Variants in MOCS2 observed in about 807,000 individuals in gnomAD.
MOCS2 encodes the protein molybdenum cofactor synthesis 2.
MOCS2 carries 13 observed loss-of-function variants against 21.9 expected under a neutral mutation model. The observed-to-expected ratio is 0.59, with a 90% CI of 0.39 to 0.94. The LOEUF (loss-of-function observed/expected upper bound fraction) is 0.94, where lower values mean the gene tolerates loss of function less well. Among genes scored for constraint, MOCS2 ranks in the 40% least tolerant of loss-of-function variants. The pLI is 0.00. For synonymous variants in MOCS2, 92 were observed against 80.8 expected (o/e 1.14, Z -0.74); for missense variants, 227 against 218.3 (o/e 1.04, Z -0.25).
intron 5 of MOCS2, chr5:53,101,041 C>CA (rs1740893704): frequency 5.0e-6 from 2 of 396,366 alleles, no homozygotes; most frequent in South Asian, 3.1e-5. Context: ...TTTAGGGGTA[C>CA]AAAAAGGCAA....
At chr5:53,106,064 C>A (rs1741040330) in intron 3 of MOCS2, among the ~76,000 whole-genome samples, 1 of 152,118 alleles carries the variant, frequency 6.6e-6, no homozygotes, top group Non-Finnish European at 1.5e-5. Flanking sequence ...ATTAAAATAA[C>A]AGATGCTGGC....
At chr5:53,099,302 T>C (rs1315378895) in intron 6 of MOCS2, among the ~76,000 whole-genome samples, 2 of 152,192 alleles carry the variant, frequency 1.3e-5, no homozygotes, top group Non-Finnish European at 2.9e-5. Context: ...CCCCAACTCC[T>C]GCTCATTACC....
chr5:53,103,636 T>C (rs566038545), intron 3 of MOCS2, among the ~76,000 whole-genome samples: 4 of 152,238 alleles, frequency 2.6e-5, no homozygotes, highest in Admixed American at 2.6e-4. Context: ...TAGATATCAA[T>C]CAGGGGAGAA....
intron 1 of MOCS2, 77 bp downstream of exon 1, chr5:53,109,174 G>T: frequency 2.0e-6 from 1 of 501,324 alleles, no homozygotes; most frequent in Non-Finnish European, 2.6e-6. Context: ...TGAAACACAC[G>T]ACAGACTGGA....
chr5:53,099,847 G>A (rs1366211181), intron 6 of MOCS2, among the ~76,000 whole-genome samples: 2 of 152,196 alleles, frequency 1.3e-5, no homozygotes, highest in Non-Finnish European at 2.9e-5. Context: ...TACACCAGGG[G>A]AGAAACTAGG....
At chr5:53,102,035 A>T in intron 4 of MOCS2, 62 bp downstream of exon 4, 2 of 1,553,898 alleles carry the variant, frequency 1.3e-6, no homozygotes, top group Non-Finnish European at 1.8e-6. Context: ...CTGAACATGG[A>T]AAGCACATGC....
chr5:53,109,242 A>T lies in MOCS2; in HGVS notation c.-170+9T>A. 1.0e-6 allele frequency: 1 copy of T among 987,550 alleles called. No individual in the cohort carries two copies. The highest frequency in any genetic ancestry group is 1.2e-6 in the Non-Finnish European group (1 of 830,168). 61.2% of individuals were successfully genotyped at this position (987,550 alleles called of 1,614,324 possible). The stretch of plus-strand genomic sequence containing the variant: ...GTATGTAAGGGATCCGACGAAGTAA[A>T]ATAGGCACCTGTCACTCCGTGCAAA... On this transcript the variant is annotated intron_variant, in intron 1 of 6. Coordinates refer to ENST00000396954, the MANE Select transcript of MOCS2 (RefSeq NM_004531.5).
chr5:53,106,351 T>C (rs1046017217), intron 3 of MOCS2, among the ~76,000 whole-genome samples: 3 of 152,222 alleles, frequency 2.0e-5, no homozygotes, highest in Non-Finnish European at 4.4e-5. Context: ...ATATACACCA[T>C]GGAATACTAT....
rs920173357 is a variant in MOCS2, at chr5:53,097,640, G to T, written c.*962C>A. 6 of 152,090 alleles carry T rather than the reference G, an allele frequency of 3.9e-5. No homozygotes were observed. The highest frequency in any genetic ancestry group is 7.4e-5 in the Non-Finnish European group (5 of 68,022). 9.4% of individuals were successfully genotyped at this position (152,090 alleles called of 1,614,324 possible). ...TAAATATTCTCACCACACAGAAGAG[G>T]GGACTATGTGAGCTGAGGAATATGT... On this transcript the variant is annotated 3_prime_UTR_variant, in exon 7 of 7. Coordinates refer to ENST00000396954, the MANE Select transcript of MOCS2 (RefSeq NM_004531.5).
intron 2 of MOCS2, chr5:53,107,694 C>A (rs550106347): frequency 8.7e-4 from 136 of 156,694 alleles, no homozygotes; most frequent in Middle Eastern, 3.4e-3. Context: ...CCACCTGCAA[C>A]ACAGCTTTAT....
intron 3 of MOCS2, 103 bp from the exon 4 acceptor site, chr5:53,102,327 T>C (rs1288732837): frequency 3.4e-6 from 4 of 1,171,768 alleles, no homozygotes; most frequent in Non-Finnish European, 4.9e-6. Context: ...ATTATGTCGA[T>C]GTAAAAGGAA....
At chr5:53,107,932 G>A (rs1486084023) in intron 2 of MOCS2, 1 of 150,536 alleles carries the variant, frequency 6.6e-6, no homozygotes, top group African/African-American at 2.5e-5. Context: ...GGACTTCCAG[G>A]TTAAACACCT....
chr5:53,108,690 T>C (rs1409482462), intron 1 of MOCS2, 47 bp from the exon 2 acceptor site: 7 of 1,590,706 alleles, frequency 4.4e-6, no homozygotes, highest in Admixed American at 1.7e-5. Context: ...ACTCGTTTTC[T>C]GACTGTCAAT....
chr5:53,101,464 T>C lies in MOCS2; in HGVS notation c.272A>G (p.Glu91Gly). The C allele has an allele frequency of 6.2e-7, 1 of 1,612,098 alleles. No individual in the cohort carries two copies. The highest frequency in any genetic ancestry group is 8.5e-7 in the Non-Finnish European group (1 of 1,178,468). Residue 91 changes from glutamate (E) to glycine (G), a missense_variant, in exon 5 of 7, where the codon GAA becomes GGA. Glu to Gly is a moderately conservative substitution (Grantham distance 98, BLOSUM62 -2). Coordinates refer to ENST00000396954, the MANE Select transcript of MOCS2 (RefSeq NM_004531.5). ...CGCCATGGGTAGATATGCTTCATAT[T>C]CTAAGCTAATGACTTTTTTCCCTTC... ...NFEGKKVISL[E>G]YEAYLPMAEN...
intron 2 of MOCS2, 151 bp from the exon 3 acceptor site, chr5:53,107,372 G>A: frequency 4.3e-6 from 3 of 705,432 alleles, no homozygotes; most frequent in South Asian, 3.8e-5. Context: ...ATGGAGAAAG[G>A]ACATATCCAC....
At chr5:53,100,568 T>C (rs375380532) in intron 5 of MOCS2, 34 bp from the exon 6 acceptor site, 53 of 1,610,714 alleles carry the variant, frequency 3.3e-5, no homozygotes, top group Non-Finnish European at 4.2e-5. Flanking sequence ...AAAATCACCA[T>C]CATCTCTGAA....
chr5:53,108,407 C>T, intron 2 of MOCS2, 115 bp downstream of exon 2: 1 of 1,017,800 alleles, frequency 9.8e-7, no homozygotes, highest in Non-Finnish European at 1.4e-6. Context: ...ATACAACTAA[C>T]GATTCTTTTT....
At chr5:53,104,657 A>G (rs1741003178) in intron 3 of MOCS2, among the ~76,000 whole-genome samples, 1 of 152,136 alleles carries the variant, frequency 6.6e-6, no homozygotes, top group Admixed American at 6.5e-5. Flanking sequence ...CATGAGAGGC[A>G]ATCTGTTTTA....
intron 2 of MOCS2, 146 bp from the exon 3 acceptor site, chr5:53,107,367 G>A (rs1224368757): frequency 1.4e-6 from 1 of 726,294 alleles, no homozygotes; most frequent in East Asian, 2.7e-5. Flanking sequence ...AGTATATGGA[G>A]AAAGGACATA....
Sources: allele counts gnomAD v4.1 joint callset (sites outside exome capture counted in the v4.1 genomes callset), GRCh38; gene constraint gnomAD v4.1.1; transcripts MANE v1.5; gene names NCBI Gene and HGNC (gene_info 2026-07-23, HGNC 2026-07-21).